The following CPS1 variants were observed in gnomAD, a reference collection of about 807,000 sequenced individuals.
CPS1 encodes carbamoyl-phosphate synthase [ammonia], mitochondrial.
CPS1 carries 109 observed loss-of-function variants against 174.6 expected under a neutral mutation model. That is an observed-to-expected ratio of 0.62 (90% CI 0.53 to 0.73). CPS1 has a LOEUF of 0.73. Among genes scored for constraint, CPS1 ranks in the 30% least tolerant of loss-of-function variants. The pLI is 0.00. For missense variants in CPS1, 1,689 were observed against 1,821.9 expected, an observed-to-expected ratio of 0.93 and a Z score of 1.33; for synonymous variants, 637 against 632.0, an observed-to-expected ratio of 1.01 and a Z score of -0.12.
At chr2:210,665,403 C>T (rs2105928904) in intron 33 of CPS1, among the ~76,000 whole-genome samples, 1 of 150,776 alleles carries the variant, frequency 6.6e-6, no homozygotes, top group African/African-American at 2.4e-5. Context: ...TATACATGTG[C>T]CATGCTGGTG....
chr2:210,619,387 C>T (rs1699428657), intron 21 of CPS1: 1 of 152,000 alleles, frequency 6.6e-6, no homozygotes, highest in East Asian at 1.9e-4. Context: ...TGACATCTGA[C>T]ATATTGTGAG....
Position 210,612,300 on chromosome 2 carries a change from T to A in CPS1, c.2568+7T>A. 6.2e-7 allele frequency: 1 copy of A among 1,611,714 alleles called. No homozygotes were observed. The highest frequency in any genetic ancestry group is 8.5e-7 in the Non-Finnish European group (1 of 1,178,382). On this transcript the variant is annotated splice_region_variant and intron_variant, in intron 20 of 37. Transcript: ENST00000233072. ...TATCTATGCCATTGCCAAGGTAAGA[T>A]GTTACAAGGGGCCCACAGCTACTAG...
chr2:210,675,016 C>A, intron 35 of CPS1, 55 bp downstream of exon 35: 2 of 1,335,250 alleles, frequency 1.5e-6, no homozygotes, highest in South Asian at 2.3e-5. Context: ...GTCCACAAAT[C>A]AAAATATTGC....
intron 25 of CPS1, among the ~76,000 whole-genome samples, chr2:210,646,321 T>C (rs1700376251): frequency 6.6e-6 from 1 of 152,192 alleles, no homozygotes; most frequent in African/African-American, 2.4e-5. Flanking sequence ...CAAAAATTTA[T>C]ATTGAACATA....
chr2:210,598,683 A>G (rs1488730577), intron 13 of CPS1, among the ~76,000 whole-genome samples: 1 of 151,966 alleles, frequency 6.6e-6, no homozygotes, highest in Non-Finnish European at 1.5e-5. Context: ...ATATATATGC[A>G]CCCAACACAG....
intron 21 of CPS1, among the ~76,000 whole-genome samples, chr2:210,620,311 A>T (rs1020321168): frequency 2.6e-5 from 4 of 152,130 alleles, no homozygotes; most frequent in African/African-American, 9.7e-5. Flanking sequence ...ATAACTGATG[A>T]GTTTTCCATG....
chr2:210,590,298 C>T, intron 8 of CPS1, 64 bp downstream of exon 8: 2 of 1,605,932 alleles, frequency 1.2e-6, no homozygotes, highest in Non-Finnish European at 1.7e-6. Context: ...TCTATACCCT[C>T]AAAGGGCTGT....
chr2:210,648,167 T>C, intron 26 of CPS1, 110 bp downstream of exon 26: 1 of 1,066,526 alleles, frequency 9.4e-7, no homozygotes, highest in East Asian at 2.4e-5. Flanking sequence ...GCAGATAGAA[T>C]GCATACACTT....
Position 210,510,013 on chromosome 2 carries a change from T to C in CPS1, c.3+32247T>C, listed in dbSNP as rs1425607266. Among the ~76,000 whole-genome samples, 13 of 152,202 alleles carry C rather than the reference T, an allele frequency of 8.5e-5. 1 individual carries two copies. In the East Asian group the frequency reaches 2.5e-3, roughly 29 times the overall value. On this transcript the variant is annotated intron_variant, in intron 1 of 38. Coordinates refer to the CPS1 transcript ENST00000430249. ...GCTACCAATGACTTTCTTCACAGAA[T>C]TGGAGAAAACTACTTTAAAGTTCAT...
chr2:210,652,626 G>T (rs1700592469), intron 28 of CPS1, among the ~76,000 whole-genome samples: 1 of 152,240 alleles, frequency 6.6e-6, no homozygotes, highest in East Asian at 1.9e-4. Context: ...AAGGAGAAAA[G>T]TATAGAGGGA....
At chr2:210,592,341 A>C (rs1698335626) in intron 10 of CPS1, among the ~76,000 whole-genome samples, 1 of 151,958 alleles carries the variant, frequency 6.6e-6, no homozygotes, top group Non-Finnish European at 1.5e-5. Context: ...GTGTTTTAAA[A>C]CGTCATTTCT....
In CPS1 at chr2:210,626,175, C is replaced by T. The variant is rs192012262; in HGVS notation, c.2687+9634C>T. ...GTTCACTGTGGCATAAGGTATAAGTCATAATTTCTGAAACAGATACAAATG... is the reference window on the plus strand; with the variant it reads ...GTTCACTGTGGCATAAGGTATAAGTTATAATTTCTGAAACAGATACAAATG... On this transcript the variant is annotated intron_variant, in intron 21 of 37. Coordinates refer to ENST00000233072, the MANE Select transcript of CPS1 (RefSeq NM_001875.5). Among the ~76,000 whole-genome samples the T allele has an allele frequency of 2.8e-3, 428 of 152,156 alleles. 1 individual carries two copies. Among genetic ancestry groups the T allele is most frequent in the Admixed American group, 5.9e-3 (90 of 15,286 alleles).
At chr2:210,533,960 C>T (rs1444080865) in intron 1 of CPS1, among the ~76,000 whole-genome samples, 1 of 152,218 alleles carries the variant, frequency 6.6e-6, no homozygotes, top group Non-Finnish European at 1.5e-5. Context: ...CTAGAACTCT[C>T]TCCACTTGGT....
chr2:210,677,243 T>G (rs1259913220), intron 37 of CPS1, 107 bp downstream of exon 37: 3 of 1,163,414 alleles, frequency 2.6e-6, no homozygotes, highest in Non-Finnish European at 3.8e-6. Flanking sequence ...CTTTGTAACT[T>G]TCAGAATAGA....
At chr2:210,544,061 G>C (rs1696500874) in intron 1 of CPS1, among the ~76,000 whole-genome samples, 1 of 152,036 alleles carries the variant, frequency 6.6e-6, no homozygotes, top group Non-Finnish European at 1.5e-5. Flanking sequence ...TTGTGACACT[G>C]ATTTGCGCAG....
chr2:210,493,124 G>A (rs1250828839), intron 1 of CPS1, among the ~76,000 whole-genome samples: 1 of 152,052 alleles, frequency 6.6e-6, no homozygotes, highest in African/African-American at 2.4e-5. Context: ...ATAAATGATG[G>A]AATTTTGCTT....
Position 210,586,670 on chromosome 2 carries a change from G to A in CPS1, c.622-1388G>A, listed in dbSNP as rs574264802. The stretch of plus-strand genomic sequence containing the variant: ...GTTATTCTTATGGACAGTATTTAAT[G>A]TGTTTGTGTAGAGACCAGCAAAAAT... On this transcript the variant is annotated intron_variant, in intron 6 of 37. Transcript: ENST00000233072. Among the ~76,000 whole-genome samples the A allele has an allele frequency of 2.0e-5, 3 of 152,190 alleles. No individual in the cohort carries two copies. The South Asian group carries it at 6.2e-4, about 32-fold the overall frequency.
At chr2:210,676,629 C>T (rs1268528333) in intron 36 of CPS1, among the ~76,000 whole-genome samples, 1 of 152,082 alleles carries the variant, frequency 6.6e-6, no homozygotes, top group East Asian at 1.9e-4. Flanking sequence ...CAATAATTAG[C>T]ACTACTAAGG....
chr2:210,477,824 C>G, intron 1 of CPS1: 2 of 1,586,234 alleles, frequency 1.3e-6, no homozygotes, highest in Non-Finnish European at 1.7e-6. Flanking sequence ...GAAGGAGCAA[C>G]TCACAAGAGA....
Sources: allele counts gnomAD v4.1 joint callset (sites outside exome capture counted in the v4.1 genomes callset), GRCh38; gene constraint gnomAD v4.1.1; transcripts MANE v1.5; gene names NCBI Gene and HGNC (gene_info 2026-07-23, HGNC 2026-07-21).